Variants in CAPZB observed in about 807,000 individuals in gnomAD.
CAPZB encodes the protein capping actin protein of muscle Z-line subunit beta, also known as F-actin-capping protein subunit beta.
Under a neutral mutation model 38.1 loss-of-function variants are expected in CAPZB, and 2 were observed. The ratio of observed to expected loss-of-function variants is 0.05; its 90% CI spans 0.02 to 0.17. The LOEUF (loss-of-function observed/expected upper bound fraction) is 0.17. Among genes scored for constraint, CAPZB ranks in the 10% least tolerant of loss-of-function variants. The pLI is 1.00. For synonymous variants in CAPZB, 107 were observed against 127.4 expected, an observed-to-expected ratio of 0.84 and a Z score of 1.08; for missense variants, 161 against 334.2, an observed-to-expected ratio of 0.48 and a Z score of 4.04.
rs756954791 is a variant in CAPZB at position 19,373,148 on chromosome 1, C to A, written c.329+5392G>T. The stretch of plus-strand genomic sequence containing the variant: ...ATCATCAGCATGGAAGGGACCTGGA[C>A]GTGAGAATGCCGCAGGGACCCAGCA... On this transcript the variant is annotated intron_variant, in intron 4 of 8. Transcript: ENST00000264202. 5.3e-5 allele frequency among the ~76,000 whole-genome samples: 8 copies of A among 152,120 alleles called. No individual in the cohort carries two copies. The South Asian group carries it at 6.2e-4, about 12-fold the overall frequency.
chr1:19,405,541 CAAA>C lies in CAPZB; in HGVS notation c.93+14117_93+14119del, dbSNP rs10577923. Among the ~76,000 whole-genome samples the C allele has an allele frequency of 1.4e-3, 136 of 96,482 alleles. 1 individual carries two copies. Among genetic ancestry groups the C allele is most frequent in the African/African-American group, 5.4e-3 (121 of 22,394 alleles). The allele number at this position is 96,482 out of a possible 152,430, so 63.3% of individuals were successfully genotyped here. A position where few individuals can be genotyped will look rare whatever the true frequency, so the allele number is the denominator to read the frequency against. ...TGTTCAACACATAGCTAGAAAGAGG[CAAA>C]AAAAAAAAAAAAAAAAAAAAATCCC... On this transcript the variant is annotated intron_variant, in intron 2 of 8. Coordinates refer to ENST00000264202, the MANE Select transcript of CAPZB (RefSeq NM_004930.5).
intron 4 of CAPZB, among the ~76,000 whole-genome samples, chr1:19,364,841 CTTT>C (rs754275666): frequency 6.8e-6 from 1 of 147,972 alleles, no homozygotes; most frequent in Non-Finnish European, 1.5e-5. Context: ...AGTATTTTTT[CTTT>C]TTTTTTTTCT....
intron 1 of CAPZB, among the ~76,000 whole-genome samples, chr1:19,431,452 C>A (rs927288550): frequency 1.3e-5 from 2 of 152,286 alleles, no homozygotes; most frequent in South Asian, 4.2e-4. Context: ...GTAATCCCAG[C>A]ACTTTGGGAG....
At chr1:19,412,833 TA>T (rs2094363052) in intron 2 of CAPZB, among the ~76,000 whole-genome samples, 2 of 152,310 alleles carry the variant, frequency 1.3e-5, no homozygotes, top group Non-Finnish European at 2.9e-5. Flanking sequence ...AAAGAGCCTC[TA>T]ACACCTTTAT....
intron 1 of CAPZB, chr1:19,484,246 G>A: frequency 1.9e-6 from 3 of 1,612,524 alleles, no homozygotes; most frequent in Non-Finnish European, 2.5e-6. Flanking sequence ...TGACAGTTCA[G>A]AGGGAAGGGG....
At position 19,447,272 on chromosome 1, in the gene CAPZB, C is replaced by CTTTTT. The variant is rs35692222; in HGVS notation, c.4-27527_4-27523dup. Among the ~76,000 whole-genome samples the CTTTTT allele has an allele frequency of 1.3e-3, 94 of 74,888 alleles. 2 individuals are homozygous for CTTTTT. Among genetic ancestry groups the CTTTTT allele is most frequent in the East Asian group, 2.3e-3 (5 of 2,220 alleles). The allele number at this position is 74,888 out of a possible 152,430, so 49.1% of individuals were successfully genotyped here. On this transcript the variant is annotated intron_variant, in intron 1 of 8. Coordinates refer to ENST00000264202, the MANE Select transcript of CAPZB (RefSeq NM_004930.5). ...GACATTGGGCAGCACCAGACCTAAT[C>CTTTTT]TTTTTTTTTTTTTTTTTTTTTTTTG...
intron 1 of CAPZB, chr1:19,484,295 T>C (rs770093357): frequency 3.7e-6 from 6 of 1,608,464 alleles, no homozygotes; most frequent in Admixed American, 3.4e-5. Context: ...CCAGGCCATA[T>C]GCTGGATCCA....
At chr1:19,462,596 A>G (rs372162037) in intron 1 of CAPZB, among the ~76,000 whole-genome samples, 3 of 152,256 alleles carry the variant, frequency 2.0e-5, no homozygotes, top group African/African-American at 7.2e-5. Context: ...TGTTTAAAAA[A>G]TAGTAGGCAC....
At chr1:19,375,512 C>T (rs1481122835) in intron 4 of CAPZB, among the ~76,000 whole-genome samples, 6 of 152,252 alleles carry the variant, frequency 3.9e-5, no homozygotes, top group Non-Finnish European at 5.9e-5. Flanking sequence ...AACAGAACGG[C>T]ACCAGCCTGG....
intron 1 of CAPZB, among the ~76,000 whole-genome samples, chr1:19,432,042 C>CAAAAAAAAAAAAAAAA (rs10583269): frequency 8.2e-6 from 1 of 122,546 alleles, no homozygotes; most frequent in African/African-American, 3.2e-5. Flanking sequence ...GATCCTGTCT[C>CAAAAAAAAAAAAAAAA]AAAAAAAAAA....
chr1:19,391,536 C>T (rs1041125588), intron 2 of CAPZB, among the ~76,000 whole-genome samples: 1 of 152,154 alleles, frequency 6.6e-6, no homozygotes, highest in African/African-American at 2.4e-5. Context: ...ACAATTTGTT[C>T]CTTTTATTTT....
intron 1 of CAPZB, among the ~76,000 whole-genome samples, chr1:19,480,365 C>T (rs957815173): frequency 2.0e-5 from 3 of 152,178 alleles, no homozygotes; most frequent in African/African-American, 7.2e-5. Context: ...AACAGGAAAA[C>T]TGAGACCAAG....
intron 4 of CAPZB, among the ~76,000 whole-genome samples, chr1:19,371,774 G>T (rs2094120802): frequency 6.6e-6 from 1 of 152,222 alleles, no homozygotes; most frequent in South Asian, 2.1e-4. Flanking sequence ...CGAGGAAGGG[G>T]TGCCCTGAGG....
chr1:19,455,243 G>A (rs910615727), intron 1 of CAPZB, among the ~76,000 whole-genome samples: 6 of 152,258 alleles, frequency 3.9e-5, no homozygotes, highest in Admixed American at 2.6e-4. Flanking sequence ...GCTGTGCTGA[G>A]TGTGGGTGAA....
At chr1:19,444,990 G>A (rs897252150) in intron 1 of CAPZB, among the ~76,000 whole-genome samples, 9 of 152,068 alleles carry the variant, frequency 5.9e-5, no homozygotes, top group Admixed American at 4.6e-4. Context: ...TGATCTGCCC[G>A]CCTCGGCCTC....
intron 1 of CAPZB, among the ~76,000 whole-genome samples, chr1:19,437,459 T>C (rs956948654): frequency 1.6e-4 from 25 of 152,328 alleles, no homozygotes; most frequent in Admixed American, 9.1e-4. Context: ...GGTGGGTTGC[T>C]GTTAACTTCC....
intron 1 of CAPZB, among the ~76,000 whole-genome samples, chr1:19,441,069 A>T (rs1403947315): frequency 2.0e-5 from 3 of 152,120 alleles, no homozygotes; most frequent in South Asian, 2.1e-4. Context: ...CAAAACAAAA[A>T]ACAAAAAACA....
chr1:19,390,410 T>C (rs2094227032), intron 2 of CAPZB, among the ~76,000 whole-genome samples: 1 of 152,260 alleles, frequency 6.6e-6, no homozygotes, highest in South Asian at 2.1e-4. Context: ...CCATCTGAAC[T>C]GCCTAACGGC....
intron 1 of CAPZB, among the ~76,000 whole-genome samples, chr1:19,460,192 C>A (rs1312808409): frequency 2.0e-5 from 3 of 152,256 alleles, no homozygotes; most frequent in African/African-American, 7.2e-5. Flanking sequence ...GCAAAAGTTA[C>A]AGCCACAGTG....
Sources: gnomAD v4.1 joint callset for allele counts (sites outside exome capture counted in the v4.1 genomes callset) on GRCh38, gnomAD v4.1.1 for gene constraint, MANE v1.5 for transcripts, NCBI Gene and HGNC (gene_info 2026-07-23, HGNC 2026-07-21) for gene names.